Variants in TNFSF4 observed in about 807,000 individuals in gnomAD.
TNFSF4 encodes tumor necrosis factor ligand superfamily member 4.
Under a neutral mutation model 7.3 loss-of-function variants are expected in TNFSF4, and 4 were observed. The ratio of observed to expected loss-of-function variants is 0.55; its 90% CI spans 0.27 to 1.25. TNFSF4 has a LOEUF of 1.25. Among genes scored for constraint, TNFSF4 ranks in the 50% most tolerant of loss-of-function variants. The probability of loss-of-function intolerance (pLI) is 0.12; values close to 1 mark genes in which losing one functional copy is unlikely to be tolerated. For synonymous variants in TNFSF4, 76 were observed against 83.7 expected (o/e 0.91, Z 0.50); for missense variants, 181 against 208.8 (o/e 0.87, Z 0.82).
chr1:173,318,297 G>A, the TNFSF4 span, among the ~76,000 whole-genome samples: 5 of 142,324 alleles, frequency 3.5e-5, no homozygotes, highest in East Asian at 3.9e-4. Context: ...AAAGTTAGCC[G>A]GACGTGGTGG....
At chr1:173,236,242 C>T in the TNFSF4 span, among the ~76,000 whole-genome samples, 6 of 152,118 alleles carry the variant, frequency 3.9e-5, no homozygotes, top group African/African-American at 1.4e-4. Flanking sequence ...CAGGGTTTAT[C>T]ACCTTTCTAC....
chr1:173,262,361 C>T, the TNFSF4 span, among the ~76,000 whole-genome samples: 591 of 152,238 alleles, frequency 3.9e-3, 4 homozygotes, highest in African/African-American at 0.014. Context: ...ATGACACACC[C>T]ACAGCCAATA....
At chr1:173,218,722 T>C in the TNFSF4 span, among the ~76,000 whole-genome samples, 1 of 152,168 alleles carries the variant, frequency 6.6e-6, no homozygotes, top group African/African-American at 2.4e-5. Flanking sequence ...TTTTTTTCAT[T>C]GATCTCTTAG....
At chr1:173,235,032 G>A in the TNFSF4 span, among the ~76,000 whole-genome samples, 1 of 152,232 alleles carries the variant, frequency 6.6e-6, no homozygotes, top group African/African-American at 2.4e-5. Flanking sequence ...CTATAATCAG[G>A]CAAATGACAC....
the TNFSF4 span, among the ~76,000 whole-genome samples, chr1:173,313,949 G>C: frequency 7.9e-5 from 12 of 151,912 alleles, no homozygotes; most frequent in African/African-American, 2.9e-4. Flanking sequence ...TTTATTATAT[G>C]CTTTCTATTT....
At chr1:173,210,673 A>T (rs1196182796), upstream of TNFSF4, among the ~76,000 whole-genome samples, 2 of 152,330 alleles carry the variant, frequency 1.3e-5, no homozygotes, top group Middle Eastern at 3.4e-3. Context: ...TTACAAAAAA[A>T]ATCACTCTGA....
chr1:173,365,546 G>A, the TNFSF4 span, among the ~76,000 whole-genome samples: 52 of 152,242 alleles, frequency 3.4e-4, no homozygotes, highest in African/African-American at 1.1e-3. Flanking sequence ...AATCTTAAAC[G>A]ATCATTCATT....
the TNFSF4 span, among the ~76,000 whole-genome samples, chr1:173,311,505 G>C: frequency 2.0e-5 from 3 of 152,014 alleles, no homozygotes; most frequent in Non-Finnish European, 2.9e-5. Flanking sequence ...TCACCAGGCT[G>C]AGATTCAAAC....
At chr1:173,190,654 C>T (rs1649438926) in intron 1 of TNFSF4, among the ~76,000 whole-genome samples, 1 of 152,222 alleles carries the variant, frequency 6.6e-6, no homozygotes, top group Admixed American at 6.5e-5. Context: ...GGGCAATGCT[C>T]TGGAAGAAAA....
the TNFSF4 span, among the ~76,000 whole-genome samples, chr1:173,437,347 A>T: frequency 6.6e-6 from 1 of 152,270 alleles, no homozygotes; most frequent in South Asian, 2.1e-4. Context: ...TTTTTTAAGT[A>T]CTTTAACTTT....
chr1:173,300,046 T>G, the TNFSF4 span, among the ~76,000 whole-genome samples: 1 of 151,748 alleles, frequency 6.6e-6, no homozygotes, highest in Non-Finnish European at 1.5e-5. Context: ...TCAGGCTATA[T>G]TGGTCATTTG....
the TNFSF4 span, among the ~76,000 whole-genome samples, chr1:173,212,822 A>T: frequency 2.0e-5 from 3 of 152,024 alleles, no homozygotes; most frequent in African/African-American, 7.2e-5. Context: ...CCTACTATGT[A>T]TTCACAATTT....
the TNFSF4 span, among the ~76,000 whole-genome samples, chr1:173,300,430 G>A: frequency 6.6e-6 from 1 of 151,762 alleles, no homozygotes. Context: ...GCCCTTAGTA[G>A]AATCTCAAAG....
chr1:173,352,416 A>G, the TNFSF4 span, among the ~76,000 whole-genome samples: 2 of 152,208 alleles, frequency 1.3e-5, no homozygotes, highest in Non-Finnish European at 2.9e-5. Flanking sequence ...CAGTCTTACA[A>G]ATAAAGGGAT....
chr1:173,321,351 G>A, the TNFSF4 span, among the ~76,000 whole-genome samples: 5 of 152,202 alleles, frequency 3.3e-5, no homozygotes, highest in South Asian at 2.1e-4. Context: ...AGACTTAAAT[G>A]TAAAACCCAA....
At chr1:173,437,125 C>T in the TNFSF4 span, among the ~76,000 whole-genome samples, 1 of 152,332 alleles carries the variant, frequency 6.6e-6, no homozygotes, top group Non-Finnish European at 1.5e-5. Flanking sequence ...TAACACAATC[C>T]ATGACTCTGT....
chr1:173,376,571 C>T, the TNFSF4 span, among the ~76,000 whole-genome samples: 2 of 152,198 alleles, frequency 1.3e-5, no homozygotes, highest in Non-Finnish European at 2.9e-5. Flanking sequence ...TGCTCTGTGT[C>T]TAGCTAAAGG....
the TNFSF4 span, among the ~76,000 whole-genome samples, chr1:173,306,999 A>G: frequency 4.5e-3 from 682 of 151,988 alleles, 6 homozygotes; most frequent in African/African-American, 0.016. Context: ...AAGCATCTTC[A>G]TTGACTCTGA....
At chr1:173,232,859 G>T in the TNFSF4 span, among the ~76,000 whole-genome samples, 1 of 152,142 alleles carries the variant, frequency 6.6e-6, no homozygotes, top group African/African-American at 2.4e-5. Context: ...TGTGCTGCTG[G>T]ATTTGTTTTG....
Sources: allele counts gnomAD v4.1 joint callset (sites outside exome capture counted in the v4.1 genomes callset), GRCh38; gene constraint gnomAD v4.1.1; transcripts MANE v1.5; gene names NCBI Gene and HGNC (gene_info 2026-07-23, HGNC 2026-07-21).